The following SRCAP variants were observed in gnomAD, a reference collection of about 807,000 sequenced individuals.
SRCAP encodes Snf2 related CREBBP activator protein, also known as chromatin remodeling protein SRCAP.
Under a neutral mutation model 263.1 loss-of-function variants are expected in SRCAP, and 46 were observed. The ratio of observed to expected loss-of-function variants is 0.17; its 90% confidence interval spans 0.14 to 0.22. The LOEUF (loss-of-function observed/expected upper bound fraction) is 0.22. Ranked by LOEUF, SRCAP falls within the 10% of genes least tolerant of loss-of-function variation. The pLI is 1.00. For synonymous variants in SRCAP, 1,813 were observed against 1,662.1 expected, an observed-to-expected ratio of 1.09 and a Z score of -2.21; for missense variants, 3,695 against 4,181.9, an observed-to-expected ratio of 0.88 and a Z score of 3.21.
chr16:30,720,299 C>G lies in SRCAP; in HGVS notation c.2955C>G (p.Pro985=). The G allele has an allele frequency of 1.2e-6, 2 of 1,613,970 alleles. No homozygotes were observed. The highest frequency in any genetic ancestry group is 1.7e-6 in the Non-Finnish European group (2 of 1,179,864). Residue 985 remains proline (P), a synonymous_variant, in exon 19 of 34, where the codon CCC becomes CCG. Coordinates refer to ENST00000262518, the MANE Select transcript of SRCAP (RefSeq NM_006662.3). ...LEVATAPDPP[P]RPKPVKMKVN... ...TGGCTACTGCTCCTGACCCCCCACC[C>G]CGGCCCAAGCCAGTCAAGATGAAGG...
At position 30,741,270 on chromosome 16, in the gene SRCAP, T is replaced by C. The variant is rs2053222129; in HGVS notation, c.*1537T>C. ...TTCCCATAACTGTTTTCATGTAAAA[T>C]GGCTGCTTTGCTTGAAACGGGTTGC... On this transcript the variant is annotated 3_prime_UTR_variant, in exon 34 of 34. Transcript: ENST00000262518. 1 of 152,940 alleles carries C rather than the reference T, an allele frequency of 6.5e-6. No homozygotes were observed. Among genetic ancestry groups the C allele is most frequent in the Non-Finnish European group, 1.5e-5 (1 of 68,582 alleles). The allele number at this position is 152,940 out of a possible 1,614,324, so 9.5% of individuals were successfully genotyped here.
intron 16 of SRCAP, among the ~76,000 whole-genome samples, chr16:30,715,301 C>T (rs1184988498): frequency 1.3e-5 from 2 of 151,388 alleles, no homozygotes; most frequent in Non-Finnish European, 2.9e-5. Context: ...CGCGGTGGCT[C>T]ACGCCTGTAA....
At position 30,711,072 on chromosome 16, in the gene SRCAP, C is replaced by T; in HGVS notation, c.1302C>T (p.Ser434=). The T allele has an allele frequency of 6.2e-7, 1 of 1,613,272 alleles. No individual in the cohort carries two copies. Among genetic ancestry groups the T allele is most frequent in the Non-Finnish European group, 8.5e-7 (1 of 1,179,584 alleles). The change falls in exon 10 of 34, where the codon AGC becomes AGT. Residue 434 remains serine (S), a synonymous_variant. Transcript: ENST00000262518. ...AGGTGGATCATGCCATGGAGCTGAG[C>T]GAGTTGGCTCGAGAAGGTGACATTT... The part of the protein sequence containing the change: ...EGEVDHAMEL[S]ELAREGELSM...
Position 30,722,650 on chromosome 16 carries a change from C to T in SRCAP, c.3794C>T (p.Pro1265Leu), listed in dbSNP as rs766557217. 11 of 1,614,066 alleles carry T rather than the reference C, an allele frequency of 6.8e-6. No individual in the cohort carries two copies. Among genetic ancestry groups the T allele is most frequent in the East Asian group, 2.2e-5 (1 of 44,856 alleles). ...GTGGCCCTCATCCAGGCCGTGGCCC[C>T]GACCCCTGGCCCTACCCCTGTCTCT... is the stretch of plus-strand genomic sequence containing the variant. ...AHVALIQAVA[P>L]TPGPTPVSVL... The change falls in exon 23 of 34, where the codon CCG becomes CTG. Residue 1265 changes from proline to leucine, a missense_variant. Pro to Leu is a moderately conservative substitution (Grantham distance 98). Coordinates refer to ENST00000262518, the MANE Select transcript of SRCAP (RefSeq NM_006662.3).
chr16:30,709,709 C>CGTG lies in SRCAP; in HGVS notation c.830_831insGTG (p.Pro277_Pro278insCys). 1 of 1,614,194 alleles carries CGTG rather than the reference C, an allele frequency of 6.2e-7. No homozygotes were observed. Among genetic ancestry groups the CGTG allele is most frequent in the Non-Finnish European group, 8.5e-7 (1 of 1,180,048 alleles). ...TCCTCAGCTGCCTCCAGTCCTCCAC[C>CGTG]CCCTGCTTCTCGCCTGGATGATGAA... On this transcript the variant is annotated inframe_insertion, in exon 7 of 34. Coordinates refer to ENST00000262518, the MANE Select transcript of SRCAP (RefSeq NM_006662.3).
At chr16:30,730,756 C>T (rs1330238535) in intron 27 of SRCAP, among the ~76,000 whole-genome samples, 31 of 139,504 alleles carry the variant, frequency 2.2e-4, no homozygotes, top group Middle Eastern at 4.3e-3. Flanking sequence ...GATGGAGTTT[C>T]GCTGTGTTTC....
Position 30,707,159 on chromosome 16 carries a change from A to G in SRCAP, c.307-24A>G, listed in dbSNP as rs772768970. 8.7e-6 allele frequency: 14 copies of G among 1,612,872 alleles called. 1 individual carries two copies. The Admixed American group carries it at 1.5e-4, about 17-fold the overall frequency. ...ATGGAGTGTGTGTTTAGAACTGTTG[A>G]TTGATCTGGCTCTCCCTGATTAGGA... On this transcript the variant is annotated intron_variant, in intron 4 of 33. Transcript: ENST00000262518.
intron 27 of SRCAP, among the ~76,000 whole-genome samples, chr16:30,731,351 A>G (rs1361317822): frequency 6.6e-6 from 1 of 152,160 alleles, no homozygotes; most frequent in African/African-American, 2.4e-5. Context: ...GTCCAGGGTT[A>G]ATCAGGTTCT....
chr16:30,732,189 C>T (rs559364263), intron 27 of SRCAP, among the ~76,000 whole-genome samples: 9 of 150,068 alleles, frequency 6.0e-5, no homozygotes, highest in East Asian at 3.9e-4. Flanking sequence ...CGGTGGCTCA[C>T]GCCTGTAATC....
Position 30,735,459 on chromosome 16 carries a change from T to C in SRCAP, c.6730-741T>C, listed in dbSNP as rs2053151715. ...CCGCGCCCGGCCACAAAGCATTTCT[T>C]ATATCCACCTCACCATCTAATCCTC... On this transcript the variant is annotated intron_variant, in intron 31 of 33. Coordinates refer to ENST00000262518, the MANE Select transcript of SRCAP (RefSeq NM_006662.3). 3.9e-5 allele frequency among the ~76,000 whole-genome samples: 6 copies of C among 152,060 alleles called. No homozygotes were observed. The South Asian group carries it at 6.2e-4, about 16-fold the overall frequency.
At chr16:30,722,085 T>A in intron 21 of SRCAP, 37 bp from the exon 22 acceptor site, 1 of 1,595,432 alleles carries the variant, frequency 6.3e-7, no homozygotes, top group Non-Finnish European at 8.6e-7. Flanking sequence ...TTGAGCAGGA[T>A]GAGCCTTGTG....
Position 30,724,893 on chromosome 16 carries a change from T to C in SRCAP, c.5469T>C (p.Leu1823=), listed in dbSNP as rs370111987. The change falls in exon 25 of 34, where the codon CTT becomes CTC. Residue 1823 remains leucine, a synonymous_variant. Coordinates refer to ENST00000262518, the MANE Select transcript of SRCAP (RefSeq NM_006662.3). ...TQSPASQASS[L]VVSASGAAPL... ...CCCCAGCTTCCCAGGCATCTTCCCT[T>C]GTGGTTTCGGCATCTGGTGCCGCTC... 161 of 1,614,190 alleles carry C rather than the reference T, an allele frequency of 1.0e-4. No individual in the cohort carries two copies. The African/African-American group carries it at 2.0e-3, about 20-fold the overall frequency.
In SRCAP at chr16:30,713,733, C is replaced by T. The variant is rs373496072; in HGVS notation, c.2493+22C>T. 44 of 1,610,384 alleles carry T rather than the reference C, an allele frequency of 2.7e-5. No individual in the cohort carries two copies. The African/African-American group carries it at 5.2e-4, about 19-fold the overall frequency. ...CAAGGTAGGGCCTGCAACAGTTTGT[C>T]AGGGTATTGGGAATGGTAAGGAACC... On this transcript the variant is annotated intron_variant, in intron 16 of 33. Transcript: ENST00000262518.
chr16:30,734,656 T>G (rs1241444349), intron 31 of SRCAP, 41 bp downstream of exon 31: 2 of 1,612,908 alleles, frequency 1.2e-6, no homozygotes, highest in Admixed American at 3.3e-5. Flanking sequence ...GAGCTGATTC[T>G]TACAGAATAT....
Position 30,728,957 on chromosome 16 carries a change from C to T in SRCAP, c.5659-9C>T, listed in dbSNP as rs1450419677. ...TGCTGATTACTTCCTCTTTTTCTCT[C>T]ACCCCCAGGACTCCCTGGAGGAAAA... On this transcript the variant is annotated splice_polypyrimidine_tract_variant and intron_variant, in intron 25 of 33. Coordinates refer to ENST00000262518, the MANE Select transcript of SRCAP (RefSeq NM_006662.3). 1 of 1,601,402 alleles carries T rather than the reference C, an allele frequency of 6.2e-7. No homozygotes were observed. The highest frequency in any genetic ancestry group is 8.5e-7 in the Non-Finnish European group (1 of 1,171,816).
intron 30 of SRCAP, chr16:30,734,225 C>A (rs752400532): frequency 3.8e-5 from 24 of 624,782 alleles, no homozygotes; most frequent in Non-Finnish European, 5.4e-5. Context: ...CGCCTGTAAT[C>A]CCAGCTGCTT....
At chr16:30,705,236 G>A (rs545274580) in intron 4 of SRCAP, among the ~76,000 whole-genome samples, 14 of 152,168 alleles carry the variant, frequency 9.2e-5, no homozygotes, top group Admixed American at 8.5e-4. Context: ...GGAACCGGAG[G>A]TTGCAGTGAC....
In SRCAP at chr16:30,720,837, C is replaced by A. The variant is rs1297407804; in HGVS notation, c.3112C>A (p.Pro1038Thr). 1.9e-6 allele frequency: 3 copies of A among 1,614,124 alleles called. No homozygotes were observed. The South Asian group carries it at 3.3e-5, about 18-fold the overall frequency. The change falls in exon 20 of 34, where the codon CCT becomes ACT. Residue 1038 changes from proline (P) to threonine (T), a missense_variant. Transcript: ENST00000262518. ...TCCTGAGCTCTCAGCCCAGCCCACC[C>A]CTGGCCCAGTCCCCCAAGTGCTGCC... Reference protein sequence around the residue: ...PGPELSAQPTPGPVPQVLPAS... With the variant: ...PGPELSAQPTTGPVPQVLPAS...
At chr16:30,705,662 G>A (rs1446981635) in intron 4 of SRCAP, among the ~76,000 whole-genome samples, 3 of 150,794 alleles carry the variant, frequency 2.0e-5, no homozygotes, top group Admixed American at 2.0e-4. Flanking sequence ...GCCTCTGAAA[G>A]TGCTGGGATT....
Sources: gnomAD v4.1 joint callset for allele counts (sites outside exome capture counted in the v4.1 genomes callset) on GRCh38, gnomAD v4.1.1 for gene constraint, MANE v1.5 for transcripts, NCBI Gene and HGNC (gene_info 2026-07-23, HGNC 2026-07-21) for gene names.